The following MAP3K7CL variants were observed in gnomAD, a reference collection of about 807,000 sequenced individuals.
The protein encoded by MAP3K7CL is MAP3K7 C-terminal-like protein.
In MAP3K7CL, 16 loss-of-function variants were observed where a neutral mutation model predicts 18.6. The ratio of observed to expected loss-of-function variants is 0.86; its 90% CI spans 0.58 to 1.31. MAP3K7CL has a LOEUF of 1.31. MAP3K7CL is among the 50% of genes most tolerant of loss of function. The pLI is 0.00. For missense variants in MAP3K7CL, 163 were observed against 174.4 expected (o/e 0.93, Z 0.37); for synonymous variants, 65 against 66.8 (o/e 0.97, Z 0.13).
chr21:29,109,356 T>C, intron 4 of MAP3K7CL: 1 of 1,381,350 alleles, frequency 7.2e-7, no homozygotes, highest in Non-Finnish European at 9.3e-7. Flanking sequence ...TCATTAGTAA[T>C]AGAAAGATAG....
intron 3 of MAP3K7CL, among the ~76,000 whole-genome samples, chr21:29,157,789 G>A (rs879637326): frequency 1.8e-4 from 28 of 152,176 alleles, no homozygotes; most frequent in Non-Finnish European, 3.5e-4. Context: ...CAGGTGGTAA[G>A]CTGGGGGTGA....
chr21:29,135,366 G>A (rs1035118968), intron 2 of MAP3K7CL, among the ~76,000 whole-genome samples: 1 of 151,880 alleles, frequency 6.6e-6, no homozygotes, highest in African/African-American at 2.4e-5. Flanking sequence ...AATCCAGAGG[G>A]AAGGAAAATG....
In MAP3K7CL at chr21:29,118,680, C is replaced by G. The variant is rs2086544254; in HGVS notation, c.370+26099C>G. Among the ~76,000 whole-genome samples, 3 of 152,322 alleles carry G rather than the reference C, an allele frequency of 2.0e-5. No homozygotes were observed. The South Asian group carries it at 6.2e-4, about 32-fold the overall frequency. On this transcript the variant is annotated intron_variant, in intron 4 of 6. Coordinates refer to the MAP3K7CL transcript ENST00000286791. ...AATGAGGCCATAGTATCTGAAAACA[C>G]TGAGAGAAGTTCGGTGTGACCCCAC... is the stretch of plus-strand genomic sequence containing the variant.
At chr21:29,147,701 CTGTATG>C (rs1166845812) in intron 2 of MAP3K7CL, among the ~76,000 whole-genome samples, 1 of 150,088 alleles carries the variant, frequency 6.7e-6, no homozygotes, top group East Asian at 2.0e-4. Flanking sequence ...TGTATGTGTA[CTGTATG>C]TGTATTTGTA....
At chr21:29,166,508 C>G (rs1002914154) in intron 4 of MAP3K7CL, among the ~76,000 whole-genome samples, 1 of 152,230 alleles carries the variant, frequency 6.6e-6, no homozygotes, top group Non-Finnish European at 1.5e-5. Context: ...ACCAACTTCA[C>G]ATTTCCTTCA....
chr21:29,142,841 T>C (rs2087038785), intron 2 of MAP3K7CL, among the ~76,000 whole-genome samples: 1 of 152,220 alleles, frequency 6.6e-6, no homozygotes, highest in Non-Finnish European at 1.5e-5. Flanking sequence ...AAGAAGATTA[T>C]GCCAGTTGTT....
intron 1 of MAP3K7CL, chr21:29,091,380 T>C: frequency 1.8e-6 from 1 of 541,758 alleles, no homozygotes; most frequent in South Asian, 2.5e-5. Context: ...AGTTGATTTT[T>C]AAGTCACTCT....
chr21:29,154,435 C>T (rs910455112), intron 3 of MAP3K7CL, among the ~76,000 whole-genome samples: 1 of 151,490 alleles, frequency 6.6e-6, no homozygotes, highest in Non-Finnish European at 1.5e-5. Context: ...TTCAATCCCT[C>T]CTTAAAGTCC....
At chr21:29,093,210 C>G (rs73192163) in intron 4 of MAP3K7CL, among the ~76,000 whole-genome samples, 26,931 of 152,168 alleles carry the variant, frequency 0.18, 2,735 homozygotes, top group South Asian at 0.23. Context: ...AGCTGACTAT[C>G]ATAAGACTTC....
At chr21:29,146,116 G>A (rs147923838) in intron 2 of MAP3K7CL, among the ~76,000 whole-genome samples, 99 of 152,110 alleles carry the variant, frequency 6.5e-4, no homozygotes, top group Non-Finnish European at 1.1e-3. Flanking sequence ...GGGGCAAGGT[G>A]GATTAAGTCT....
At chr21:29,168,364 C>T (rs916372818) in intron 4 of MAP3K7CL, among the ~76,000 whole-genome samples, 1 of 152,178 alleles carries the variant, frequency 6.6e-6, no homozygotes, top group African/African-American at 2.4e-5. Context: ...GAATAGAAGA[C>T]GGTGCCTGGC....
intron 4 of MAP3K7CL, among the ~76,000 whole-genome samples, chr21:29,163,101 A>T (rs182477747): frequency 9.9e-5 from 15 of 152,246 alleles, no homozygotes; most frequent in Non-Finnish European, 1.8e-4. Flanking sequence ...ACGGAGTGAG[A>T]CTGTCTCAAA....
At chr21:29,084,020 C>A (rs1601116330), upstream of MAP3K7CL, among the ~76,000 whole-genome samples, 1 of 146,788 alleles carries the variant, frequency 6.8e-6, no homozygotes, top group Non-Finnish European at 1.5e-5. Context: ...TATTTTATGA[C>A]ATATATGTAA....
At chr21:29,132,608 C>G (rs1207003539) in intron 1 of MAP3K7CL, among the ~76,000 whole-genome samples, 3 of 152,094 alleles carry the variant, frequency 2.0e-5, no homozygotes, top group African/African-American at 4.8e-5. Context: ...CTCCCGGGTT[C>G]AAGCGATTTT....
At chr21:29,161,974 A>G (rs2087559453) in intron 4 of MAP3K7CL, among the ~76,000 whole-genome samples, 1 of 152,194 alleles carries the variant, frequency 6.6e-6, no homozygotes, top group Non-Finnish European at 1.5e-5. Flanking sequence ...GTTTATTAGG[A>G]GGTCACAAAT....
chr21:29,163,201 C>T (rs562269871), intron 4 of MAP3K7CL, among the ~76,000 whole-genome samples: 1 of 152,290 alleles, frequency 6.6e-6, no homozygotes, highest in Admixed American at 6.5e-5. Context: ...TACAACCTTC[C>T]AGACCACATA....
chr21:29,145,174 G>GT (rs1268439533), intron 2 of MAP3K7CL, among the ~76,000 whole-genome samples: 6 of 151,418 alleles, frequency 4.0e-5, no homozygotes, highest in Non-Finnish European at 5.9e-5. Flanking sequence ...GCCAATTTGC[G>GT]TAAGTCTGAG....
At chr21:29,095,244 G>A (rs1354354579) in intron 4 of MAP3K7CL, among the ~76,000 whole-genome samples, 1 of 152,092 alleles carries the variant, frequency 6.6e-6, no homozygotes, top group Non-Finnish European at 1.5e-5. Context: ...TCTATTCAGA[G>A]GCTGTCTGTT....
At chr21:29,161,232 C>G (rs752622984) in intron 4 of MAP3K7CL, among the ~76,000 whole-genome samples, 1 of 152,300 alleles carries the variant, frequency 6.6e-6, no homozygotes, top group East Asian at 1.9e-4. Context: ...ATCGCTTGAA[C>G]CTGGGAGGCA....
Sources: allele counts gnomAD v4.1 joint callset (sites outside exome capture counted in the v4.1 genomes callset), GRCh38; gene constraint gnomAD v4.1.1; transcripts MANE v1.5; gene names NCBI Gene and HGNC (gene_info 2026-07-23, HGNC 2026-07-21).